The following MUSK variants were observed in gnomAD, a reference collection of about 807,000 sequenced individuals.
The protein encoded by MUSK is muscle associated receptor tyrosine kinase.
Under a neutral mutation model 88.7 loss-of-function variants are expected in MUSK, and 55 were observed. The observed-to-expected ratio is 0.62, with a 90% confidence interval of 0.50 to 0.78. The LOEUF (loss-of-function observed/expected upper bound fraction) is 0.78, where lower values mean the gene tolerates loss of function less well. Ranked by LOEUF, MUSK falls within the 30% of genes least tolerant of loss-of-function variation. The pLI, the probability that MUSK is intolerant of heterozygous loss-of-function variation, is 0.00. For synonymous variants in MUSK, 387 were observed against 391.9 expected, an observed-to-expected ratio of 0.99 and a Z score of 0.15; for missense variants, 1,015 against 1,074.3, an observed-to-expected ratio of 0.94 and a Z score of 0.77.
chr9:110,690,229 T>C (rs1587907655), intron 3 of MUSK, among the ~76,000 whole-genome samples: 1 of 102,472 alleles, frequency 9.8e-6, no homozygotes, highest in Non-Finnish European at 1.7e-5. Context: ...AGTATAAATA[T>C]ATATTTAAGT....
In MUSK at chr9:110,688,636, GC is replaced by G. The variant is rs577791045; in HGVS notation, c.358+1372del. On this transcript the variant is annotated intron_variant, in intron 3 of 14. Coordinates refer to ENST00000374448, the MANE Select transcript of MUSK (RefSeq NM_005592.4). The stretch of plus-strand genomic sequence containing the variant: ...CTCCCCACACCAACACCCCCGACAG[GC>G]CCCGTGTGTGCTGTTTCCCCCCATG... 1.9e-3 allele frequency among the ~76,000 whole-genome samples: 289 copies of G among 151,772 alleles called. 2 individuals are homozygous for G. Among genetic ancestry groups the G allele is most frequent in the African/African-American group, 6.4e-3 (265 of 41,358 alleles).
chr9:110,680,813 C>G (rs1268774471), intron 1 of MUSK, among the ~76,000 whole-genome samples: 1 of 147,190 alleles, frequency 6.8e-6, no homozygotes, highest in African/African-American at 2.5e-5. Flanking sequence ...TAGGCTGCTC[C>G]CCTCTTTTAT....
chr9:110,714,760 C>A (rs995887064), intron 5 of MUSK, among the ~76,000 whole-genome samples: 4 of 152,110 alleles, frequency 2.6e-5, no homozygotes, highest in Non-Finnish European at 4.4e-5. Flanking sequence ...CCACCCAGGG[C>A]CACGTGTTTT....
At chr9:110,757,777 T>C (rs533920180) in intron 7 of MUSK, among the ~76,000 whole-genome samples, 1 of 152,258 alleles carries the variant, frequency 6.6e-6, no homozygotes, top group African/African-American at 2.4e-5. Context: ...TCCTTTATTA[T>C]AAGAGTCTAT....
At chr9:110,772,734 T>A (rs1279898423) in intron 9 of MUSK, among the ~76,000 whole-genome samples, 4 of 152,120 alleles carry the variant, frequency 2.6e-5, no homozygotes, top group African/African-American at 9.6e-5. Flanking sequence ...CAAGAATGTT[T>A]TCTTGCAATT....
chr9:110,698,410 C>G (rs1315822431), intron 5 of MUSK, among the ~76,000 whole-genome samples: 1 of 152,160 alleles, frequency 6.6e-6, no homozygotes, highest in Non-Finnish European at 1.5e-5. Context: ...GTATCACATA[C>G]TGGCACAAAT....
chr9:110,785,587 T>A lies in MUSK; in HGVS notation c.1647T>A (p.His549Gln). 6.2e-7 allele frequency: 1 copy of A among 1,613,474 alleles called. No individual in the cohort carries two copies. The highest frequency in any genetic ancestry group is 8.5e-7 in the Non-Finnish European group (1 of 1,179,632). ...CTGAGCTCTTACTAGATAGACTTCATCCCAACCCCATGTACCAGAGGATGC... is the reference window on the plus strand; with the variant it reads ...CTGAGCTCTTACTAGATAGACTTCAACCCAACCCCATGTACCAGAGGATGC... ...LPSELLLDRL[H>Q]PNPMYQRMPL... The change falls in exon 13 of 15, where the codon CAT becomes CAA. Residue 549 changes from histidine (H) to glutamine (Q), a missense_variant. His to Gln is a conservative substitution (Grantham distance 24, BLOSUM62 0). Coordinates refer to ENST00000374448, the MANE Select transcript of MUSK (RefSeq NM_005592.4).
At chr9:110,724,438 T>G (rs10759463) in intron 5 of MUSK, among the ~76,000 whole-genome samples, 57,657 of 151,778 alleles carry the variant, frequency 0.38, 11,493 homozygotes, top group Non-Finnish European at 0.44. Flanking sequence ...GGGAGCAATT[T>G]TAGGACTCTA....
chr9:110,780,092 A>G (rs1469845148), intron 11 of MUSK, among the ~76,000 whole-genome samples: 5 of 152,176 alleles, frequency 3.3e-5, no homozygotes, highest in African/African-American at 1.2e-4. Context: ...TATTAATAGG[A>G]GGATTTAGCC....
intron 2 of MUSK, among the ~76,000 whole-genome samples, chr9:110,683,801 CT>C (rs1587892306): frequency 1.3e-5 from 2 of 151,888 alleles, no homozygotes; most frequent in African/African-American, 2.4e-5. Context: ...ATTGTTCAAA[CT>C]TTTTTGCCTA....
At chr9:110,687,020 T>C in intron 2 of MUSK, 97 bp from the exon 3 acceptor site, 4 of 1,224,360 alleles carry the variant, frequency 3.3e-6, no homozygotes, top group South Asian at 1.5e-5. Flanking sequence ...ACCTTTATTC[T>C]ACTTCCTCAT....
chr9:110,736,327 G>C (rs1453606608), intron 6 of MUSK, among the ~76,000 whole-genome samples: 1 of 152,044 alleles, frequency 6.6e-6, no homozygotes, highest in Admixed American at 6.6e-5. Flanking sequence ...TTAGACCTCA[G>C]GAGGAAGATT....
At chr9:110,791,180 T>C (rs2077968923) in intron 14 of MUSK, among the ~76,000 whole-genome samples, 2 of 150,990 alleles carry the variant, frequency 1.3e-5, no homozygotes, top group East Asian at 4.0e-4. Flanking sequence ...GGGTGATTTC[T>C]GCATTTCCAT....
Position 110,747,773 on chromosome 9 carries a change from A to C in MUSK, c.886A>C (p.Lys296Gln). 1 of 1,613,866 alleles carries C rather than the reference A, an allele frequency of 6.2e-7. No homozygotes were observed. The highest frequency in any genetic ancestry group is 8.5e-7 in the Non-Finnish European group (1 of 1,179,794). Reference protein sequence around the residue: ...NKHGEKFSTAKAAATISIAEW... With the variant: ...NKHGEKFSTAQAAATISIAEW... ...GCATGGGGAGAAGTTCAGTACTGCC[A>C]AGGCTGCAGCCACCATCAGCATAGC... The change falls in exon 7 of 15, where the codon AAG (lysine) becomes CAG (glutamine). Residue 296 changes from lysine to glutamine, a missense_variant. By Grantham distance (53) the Lys-to-Gln change is moderately conservative. Coordinates refer to ENST00000374448, the MANE Select transcript of MUSK (RefSeq NM_005592.4).
intron 5 of MUSK, among the ~76,000 whole-genome samples, chr9:110,701,310 C>A (rs1405451548): frequency 6.6e-6 from 1 of 152,016 alleles, no homozygotes; most frequent in African/African-American, 2.4e-5. Flanking sequence ...CAGAAAATAG[C>A]AGAAAGCTAA....
intron 5 of MUSK, chr9:110,706,280 A>G: frequency 3.2e-6 from 1 of 316,812 alleles, no homozygotes; most frequent in Non-Finnish European, 6.3e-6. Flanking sequence ...AAATGAAAGC[A>G]TTATTTTCAG....
At chr9:110,736,707 T>A (rs2077033798) in intron 6 of MUSK, among the ~76,000 whole-genome samples, 1 of 152,124 alleles carries the variant, frequency 6.6e-6, no homozygotes, top group Non-Finnish European at 1.5e-5. Flanking sequence ...TATCTTTGAT[T>A]ACCTGCTGTG....
intron 11 of MUSK, among the ~76,000 whole-genome samples, chr9:110,778,232 T>C (rs893426635): frequency 7.9e-5 from 12 of 152,096 alleles, no homozygotes; most frequent in Non-Finnish European, 1.3e-4. Flanking sequence ...TTTTATAATT[T>C]CTTTGGCTGA....
At chr9:110,726,861 G>C (rs1162010924) in intron 5 of MUSK, among the ~76,000 whole-genome samples, 2 of 152,038 alleles carry the variant, frequency 1.3e-5, no homozygotes, top group African/African-American at 4.8e-5. Context: ...AATTTTTCAA[G>C]TCTAATCTGG....
Sources: gnomAD v4.1 joint callset for allele counts (sites outside exome capture counted in the v4.1 genomes callset) on GRCh38, gnomAD v4.1.1 for gene constraint, MANE v1.5 for transcripts, NCBI Gene and HGNC (gene_info 2026-07-23, HGNC 2026-07-21) for gene names.